PTPRD: variants seen among roughly 807,000 people sequenced by gnomAD.
PTPRD encodes the protein receptor-type tyrosine-protein phosphatase delta.
Under a neutral mutation model 214.5 loss-of-function variants are expected in PTPRD, and 34 were observed. The ratio of observed to expected loss-of-function variants is 0.16; its 90% CI spans 0.12 to 0.21. The LOEUF (loss-of-function observed/expected upper bound fraction) is 0.21, where lower values mean the gene tolerates loss of function less well. Ranked by LOEUF, PTPRD falls within the 10% of genes least tolerant of loss-of-function variation. The pLI is 1.00. For missense variants in PTPRD, 2,545 were observed against 2,398.7 expected (o/e 1.06, Z -1.27); for synonymous variants, 1,128 against 845.7 (o/e 1.33, Z -5.79).
chr9:10,163,402 T>TA (rs1592848678), intron 3 of PTPRD, among the ~76,000 whole-genome samples: 1 of 151,460 alleles, frequency 6.6e-6, no homozygotes, highest in African/African-American at 2.4e-5. Flanking sequence ...TATAACATTT[T>TA]AAAATATTTG....
intron 2 of PTPRD, among the ~76,000 whole-genome samples, chr9:10,593,142 G>A (rs544034491): frequency 6.6e-6 from 1 of 151,878 alleles, no homozygotes; most frequent in African/African-American, 2.4e-5. Context: ...TTGAAAAGTG[G>A]AGCAAATAAG....
intron 9 of PTPRD, among the ~76,000 whole-genome samples, chr9:9,302,607 T>C (rs1280569937): frequency 4.2e-5 from 5 of 119,422 alleles, no homozygotes; most frequent in Non-Finnish European, 5.5e-5. Flanking sequence ...TTTTCTTTTT[T>C]TTTTTTTTTT....
At chr9:9,449,461 T>A (rs1181650934) in intron 8 of PTPRD, among the ~76,000 whole-genome samples, 1 of 152,006 alleles carries the variant, frequency 6.6e-6, no homozygotes, top group Non-Finnish European at 1.5e-5. Context: ...TGATTGGATG[T>A]CACCTGTTTA....
chr9:8,949,423 T>G (rs1482401792), intron 11 of PTPRD, among the ~76,000 whole-genome samples: 4 of 152,068 alleles, frequency 2.6e-5, no homozygotes, highest in East Asian at 1.9e-4. Context: ...GTTCATAGCT[T>G]AATCTGCATG....
intron 5 of PTPRD, among the ~76,000 whole-genome samples, chr9:9,910,324 C>T (rs1397403753): frequency 1.3e-5 from 2 of 151,880 alleles, no homozygotes; most frequent in East Asian, 3.9e-4. Context: ...TGAATTTTTT[C>T]ATCTCTCATG....
chr9:9,862,849 T>C (rs767338709), intron 5 of PTPRD, among the ~76,000 whole-genome samples: 4 of 152,314 alleles, frequency 2.6e-5, no homozygotes, highest in Non-Finnish European at 5.9e-5. Flanking sequence ...TCTGTATACA[T>C]TCTATTTCAG....
intron 7 of PTPRD, among the ~76,000 whole-genome samples, chr9:9,706,808 C>A (rs1395920563): frequency 6.6e-6 from 1 of 151,870 alleles, no homozygotes; most frequent in African/African-American, 2.4e-5. Context: ...ATATAAGATG[C>A]AAAAGAACAA....
intron 3 of PTPRD, among the ~76,000 whole-genome samples, chr9:10,092,665 A>C (rs77537190): frequency 0.014 from 2,053 of 151,752 alleles, 45 homozygotes; most frequent in African/African-American, 0.047. Context: ...ATGCAAAAAG[A>C]ACAAACCCGA....
intron 39 of PTPRD, among the ~76,000 whole-genome samples, chr9:8,364,616 C>T (rs1461159794): frequency 3.4e-5 from 5 of 146,150 alleles, no homozygotes; most frequent in Non-Finnish European, 5.9e-5. Flanking sequence ...GCCAAGACAG[C>T]ATGTCAAGTA....
intron 9 of PTPRD, among the ~76,000 whole-genome samples, chr9:9,364,706 G>C (rs944904774): frequency 2.0e-5 from 3 of 151,394 alleles, no homozygotes; most frequent in Non-Finnish European, 3.0e-5. Flanking sequence ...GCAAGGAAAG[G>C]TCCCATTTAT....
chr9:10,165,159 G>C (rs2099151583), intron 3 of PTPRD, among the ~76,000 whole-genome samples: 1 of 151,552 alleles, frequency 6.6e-6, no homozygotes, highest in Non-Finnish European at 1.5e-5. Flanking sequence ...CTAACCTATA[G>C]GCTTTATTTA....
At chr9:9,992,914 C>T (rs1398644000) in intron 4 of PTPRD, among the ~76,000 whole-genome samples, 2 of 151,668 alleles carry the variant, frequency 1.3e-5, no homozygotes, top group South Asian at 2.1e-4. Context: ...CAAACCTGCA[C>T]GTTGTGCACA....
intron 10 of PTPRD, among the ~76,000 whole-genome samples, chr9:9,153,321 G>C (rs907081914): frequency 6.6e-5 from 10 of 152,178 alleles, no homozygotes; most frequent in African/African-American, 2.2e-4. Flanking sequence ...AGTTAGCCAA[G>C]ATGGAATCAG....
rs1482336996 is a variant in PTPRD at position 9,845,072 on chromosome 9, ATATT to A, written c.-367-78225_-367-78222del. ...TATATATAGAGCAATATATATATAT[ATATT>A]GCTCTATATATATAGCTATATATAT... On this transcript the variant is annotated intron_variant, in intron 5 of 45. Coordinates refer to ENST00000381196, the MANE Select transcript of PTPRD (RefSeq NM_002839.4). Among the ~76,000 whole-genome samples the A allele has an allele frequency of 7.2e-5, 9 of 125,544 alleles. 1 individual carries two copies. Among genetic ancestry groups the A allele is most frequent in the African/African-American group, 2.1e-4 (7 of 33,836 alleles). 82.4% of individuals were successfully genotyped at this position (125,544 alleles called of 152,430 possible). A position where few individuals can be genotyped will look rare whatever the true frequency, so the allele number is the denominator to read the frequency against.
intron 10 of PTPRD, among the ~76,000 whole-genome samples, chr9:9,095,170 G>A (rs2099781727): frequency 6.6e-6 from 1 of 151,844 alleles, no homozygotes; most frequent in Non-Finnish European, 1.5e-5. Flanking sequence ...TTTAAAAACG[G>A]AAGATTTTCT....
intron 10 of PTPRD, among the ~76,000 whole-genome samples, chr9:9,169,627 CCTT>C (rs1569557817): frequency 6.6e-6 from 1 of 152,056 alleles, no homozygotes; most frequent in Non-Finnish European, 1.5e-5. Flanking sequence ...CTTTGTTACT[CCTT>C]CTTTCTGTTT....
chr9:10,326,614 A>G (rs12006478), intron 3 of PTPRD, among the ~76,000 whole-genome samples: 7,102 of 151,722 alleles, frequency 0.047, 543 homozygotes, highest in African/African-American at 0.16. Flanking sequence ...AATATTAATT[A>G]TGAAAATAAT....
intron 9 of PTPRD, among the ~76,000 whole-genome samples, chr9:9,388,872 T>G (rs902284414): frequency 2.6e-5 from 4 of 152,040 alleles, no homozygotes; most frequent in Non-Finnish European, 5.9e-5. Flanking sequence ...GGGAATGCAA[T>G]AATATTGCCA....
chr9:10,518,030 C>T (rs1414559), intron 2 of PTPRD, among the ~76,000 whole-genome samples: 189 of 152,138 alleles, frequency 1.2e-3, no homozygotes, highest in Non-Finnish European at 2.3e-3. Context: ...AATTCTATAA[C>T]CACTTAGAGA....
Sources: gnomAD v4.1 joint callset for allele counts (sites outside exome capture counted in the v4.1 genomes callset) on GRCh38, gnomAD v4.1.1 for gene constraint, MANE v1.5 for transcripts, NCBI Gene and HGNC (gene_info 2026-07-23, HGNC 2026-07-21) for gene names.